GRIP2: variants seen among roughly 807,000 people sequenced by gnomAD.
The protein encoded by GRIP2 is glutamate receptor-interacting protein 2.
A neutral mutation model predicts 108.3 loss-of-function variants in GRIP2; 58 were observed. The ratio of observed to expected loss-of-function variants is 0.54; its 90% CI spans 0.43 to 0.67. The LOEUF is 0.67. Among genes scored for constraint, GRIP2 ranks in the 30% least tolerant of loss-of-function variants. GRIP2 has a pLI of 0.00. For synonymous variants in GRIP2, 586 were observed against 598.2 expected (o/e 0.98, Z 0.30); for missense variants, 1,278 against 1,430.6 (o/e 0.89, Z 1.72).
the GRIP2 span, among the ~76,000 whole-genome samples, chr3:14,588,984 A>G: frequency 6.6e-6 from 1 of 152,098 alleles, no homozygotes; most frequent in Non-Finnish European, 1.5e-5. Context: ...TCTCCACCCC[A>G]CTGAGCAGAG....
the GRIP2 span, among the ~76,000 whole-genome samples, chr3:14,599,952 G>A: frequency 6.6e-6 from 1 of 152,230 alleles, no homozygotes; most frequent in African/African-American, 2.4e-5. Flanking sequence ...AGCTACATGT[G>A]TCTCTCTTCA....
the GRIP2 span, chr3:14,574,340 C>T: frequency 1.2e-5 from 12 of 1,018,592 alleles, no homozygotes; most frequent in African/African-American, 8.0e-5. Flanking sequence ...GTTTGCGCAC[C>T]GGCACAGCGA....
At chr3:14,555,795 G>C (rs1415876886) in intron 1 of GRIP2, 2 of 399,586 alleles carry the variant, frequency 5.0e-6, no homozygotes, top group Non-Finnish European at 8.8e-6. Context: ...AACCCAAAAG[G>C]CTCCGCGAGA....
chr3:14,586,375 C>T, the GRIP2 span, among the ~76,000 whole-genome samples: 2 of 152,128 alleles, frequency 1.3e-5, no homozygotes, highest in Non-Finnish European at 2.9e-5. Flanking sequence ...CTGGCATGTG[C>T]GAGTTAAACA....
At chr3:14,556,359 G>T (rs73815606), upstream of GRIP2, among the ~76,000 whole-genome samples, 2,958 of 152,256 alleles carry the variant, frequency 0.019, 86 homozygotes, top group African/African-American at 0.066. Flanking sequence ...CACCTGCAAG[G>T]CCCTCCCCCT....
At chr3:14,553,846 C>T (rs1196528141) in intron 1 of GRIP2, among the ~76,000 whole-genome samples, 2 of 152,162 alleles carry the variant, frequency 1.3e-5, no homozygotes, top group African/African-American at 4.8e-5. Flanking sequence ...ACTTAATGGG[C>T]AAAGCAAGTT....
At chr3:14,510,295 C>T (rs1483163132) in intron 16 of GRIP2, among the ~76,000 whole-genome samples, 3 of 140,342 alleles carry the variant, frequency 2.1e-5, no homozygotes, top group African/African-American at 7.9e-5. Context: ...CAGAGTCTTG[C>T]TCTGCTGCCC....
Position 14,493,521 on chromosome 3 carries a change from A to C in GRIP2, c.*144T>G. The C allele has an allele frequency of 5.0e-6, 5 of 1,001,288 alleles. No homozygotes were observed. The highest frequency in any genetic ancestry group is 7.1e-6 in the Non-Finnish European group (5 of 704,884). The allele number at this position is 1,001,288 out of a possible 1,614,324, so 62.0% of individuals were successfully genotyped here. A position where few individuals can be genotyped will look rare whatever the true frequency, so the allele number is the denominator to read the frequency against. On this transcript the variant is annotated 3_prime_UTR_variant, in exon 24 of 24. Coordinates refer to ENST00000621039, the MANE Select transcript of GRIP2 (RefSeq NM_001080423.4). Reference sequence around the variant, plus strand: ...ACCCCAGTCACCACAGACCTGGGGAACAGAGACCAAGCATCATCCCAGGCT... The same window carrying C: ...ACCCCAGTCACCACAGACCTGGGGACCAGAGACCAAGCATCATCCCAGGCT...
At position 14,489,305 on chromosome 3, in the gene GRIP2, AT is replaced by A. The variant is rs1701269672; in HGVS notation, c.*4359del. 1 of 152,692 alleles carries A rather than the reference AT, an allele frequency of 6.5e-6. No homozygotes were observed. The highest frequency in any genetic ancestry group is 1.9e-4 in the East Asian group (1 of 5,192). 9.5% of individuals were successfully genotyped at this position (152,692 alleles called of 1,614,324 possible). A position where few individuals can be genotyped will look rare whatever the true frequency, so the allele number is the denominator to read the frequency against. ...TTTGCTTTTTTTAGAGGAGTTTGTA[AT>A]CACCTTATAACATGAAAATAAACAT... On this transcript the variant is annotated 3_prime_UTR_variant, in exon 24 of 24. Transcript: ENST00000621039.
chr3:14,517,797 T>C lies in GRIP2; in HGVS notation c.1131A>G (p.Thr377=). 6.2e-7 allele frequency: 1 copy of C among 1,609,096 alleles called. No individual in the cohort carries two copies. Among genetic ancestry groups the C allele is most frequent in the African/African-American group, 1.3e-5 (1 of 74,924 alleles). Residue 377 remains threonine, a synonymous_variant, in exon 10 of 24, where the codon ACA becomes ACG. Transcript: ENST00000621039. The part of the protein sequence containing the change: ...PGHCRMPTWA[T]PAGQDQSRSL... ...ATCGGCTTTGGTCCTGGCCAGCAGG[T>C]GTGGCCCAGGTGGGCATCCTGCAGT...
the GRIP2 span, among the ~76,000 whole-genome samples, chr3:14,599,679 C>CTGTGTGTGTG: frequency 5.3e-4 from 57 of 107,064 alleles, no homozygotes; most frequent in African/African-American, 2.1e-3. Flanking sequence ...CTCTCTCTCT[C>CTGTGTGTGTG]TCTCTCTGTG....
At chr3:14,546,383 C>T (rs890047626), upstream of GRIP2, among the ~76,000 whole-genome samples, 1 of 152,140 alleles carries the variant, frequency 6.6e-6, no homozygotes. Context: ...GCAATGGCAA[C>T]TACCGGGAGT....
At chr3:14,494,747 C>T in intron 23 of GRIP2, 96 bp downstream of exon 23, 6 of 1,424,972 alleles carry the variant, frequency 4.2e-6, no homozygotes, top group Admixed American at 2.5e-5. Context: ...TTGCATTGTC[C>T]TGCCCTCTTC....
chr3:14,573,367 C>T, the GRIP2 span: 2 of 1,337,130 alleles, frequency 1.5e-6, no homozygotes, highest in Non-Finnish European at 2.1e-6. Flanking sequence ...GCCAGCTTCT[C>T]CAGGTCCCGC....
intron 21 of GRIP2, among the ~76,000 whole-genome samples, chr3:14,500,920 C>T (rs915368021): frequency 3.3e-5 from 5 of 152,072 alleles, no homozygotes; most frequent in African/African-American, 1.2e-4. Flanking sequence ...TTCTATAGTG[C>T]CTATCTTATT....
chr3:14,550,859 A>T (rs1423057123), intron 1 of GRIP2, among the ~76,000 whole-genome samples: 2 of 152,046 alleles, frequency 1.3e-5, no homozygotes, highest in Non-Finnish European at 2.9e-5. Flanking sequence ...TCCTACAGGG[A>T]CCCCAGCACC....
At chr3:14,550,914 C>T (rs971726985) in intron 1 of GRIP2, among the ~76,000 whole-genome samples, 4 of 152,218 alleles carry the variant, frequency 2.6e-5, no homozygotes, top group Non-Finnish European at 4.4e-5. Flanking sequence ...TGCCCCGCTT[C>T]GCCTGCCCAC....
intron 21 of GRIP2, among the ~76,000 whole-genome samples, chr3:14,497,039 G>A (rs978912019): frequency 8.1e-5 from 12 of 148,266 alleles, no homozygotes; most frequent in African/African-American, 2.0e-4. Flanking sequence ...TTGGCTTACC[G>A]CAACCTCCGC....
At chr3:14,509,316 G>T (rs1575000043) in intron 17 of GRIP2, among the ~76,000 whole-genome samples, 1 of 152,226 alleles carries the variant, frequency 6.6e-6, no homozygotes. Context: ...CACCCACACT[G>T]GGGGTCGGGT....
Sources: allele counts gnomAD v4.1 joint callset (sites outside exome capture counted in the v4.1 genomes callset), GRCh38; gene constraint gnomAD v4.1.1; transcripts MANE v1.5; gene names NCBI Gene and HGNC (gene_info 2026-07-23, HGNC 2026-07-21).